Variants in SDK1 observed in about 807,000 individuals in gnomAD.
SDK1 encodes sidekick cell adhesion molecule 1, also known as protein sidekick-1.
Under a neutral mutation model 245.5 loss-of-function variants are expected in SDK1, and 157 were observed. The observed-to-expected ratio is 0.64, with a 90% CI of 0.56 to 0.73. The LOEUF (loss-of-function observed/expected upper bound fraction) is 0.73, where lower values mean the gene tolerates loss of function less well. SDK1 is among the 30% of genes least tolerant of loss of function. The pLI is 0.00. For missense variants in SDK1, 3,583 were observed against 3,002.3 expected (o/e 1.19, Z -4.52); for synonymous variants, 1,647 against 1,278.5 (o/e 1.29, Z -6.15).
chr7:3,956,528 G>A (rs1781276988), intron 7 of SDK1, among the ~76,000 whole-genome samples: 1 of 152,176 alleles, frequency 6.6e-6, no homozygotes. Context: ...CAGGCACAGC[G>A]ACCTGGAAGG....
chr7:3,890,636 G>T (rs1454424550), intron 5 of SDK1, among the ~76,000 whole-genome samples: 1 of 151,046 alleles, frequency 6.6e-6, no homozygotes, highest in Non-Finnish European at 1.5e-5. Flanking sequence ...ATTTGTTTTT[G>T]CTGTGGTTAA....
chr7:4,018,980 T>C (rs987335544), intron 17 of SDK1, among the ~76,000 whole-genome samples: 2 of 152,188 alleles, frequency 1.3e-5, no homozygotes, highest in East Asian at 1.9e-4. Context: ...TGGGACGCCA[T>C]TGTTTTCAAA....
At chr7:4,136,048 G>T (rs1407091109) in intron 28 of SDK1, among the ~76,000 whole-genome samples, 1 of 152,188 alleles carries the variant, frequency 6.6e-6, no homozygotes, top group Non-Finnish European at 1.5e-5. Context: ...ATCTTGATTT[G>T]TGGTCACTGA....
chr7:3,357,326 GTGTTTTTTTTTTTTTTTTTTTTTTTT>G lies in SDK1; in HGVS notation c.298+55444_298+55469del, dbSNP rs1780827210. Among the ~76,000 whole-genome samples the G allele has an allele frequency of 4.0e-5, 2 of 50,102 alleles. 1 individual carries two copies. The highest frequency in any genetic ancestry group is 1.3e-4 in the African/African-American group (2 of 15,580). The allele number at this position is 50,102 out of a possible 152,430, so 32.9% of individuals were successfully genotyped here. A position where few individuals can be genotyped will look rare whatever the true frequency, so the allele number is the denominator to read the frequency against. Reference sequence around the variant, plus strand: ...TTTTACTCTTGCTCCCCTTCTTTTAGTGTTTTTTTTTTTTTTTTTTTTTTTTTTTTTTTTTTTTTTTGAGGCAGGGT... The same window carrying G: ...TTTTACTCTTGCTCCCCTTCTTTTAGTTTTTTTTTTTTTTTGAGGCAGGGT... On this transcript the variant is annotated intron_variant, in intron 1 of 44. Coordinates refer to ENST00000404826, the MANE Select transcript of SDK1 (RefSeq NM_152744.4).
intron 1 of SDK1, among the ~76,000 whole-genome samples, chr7:3,563,643 C>T (rs963696699): frequency 6.6e-6 from 1 of 152,064 alleles, no homozygotes; most frequent in Non-Finnish European, 1.5e-5. Context: ...ATTAGTAAAT[C>T]CTACAGTTGA....
chr7:3,351,222 A>T (rs1780651343), intron 1 of SDK1, among the ~76,000 whole-genome samples: 1 of 152,152 alleles, frequency 6.6e-6, no homozygotes, highest in Admixed American at 6.5e-5. Context: ...TAAAGATTTT[A>T]TGTCCTATGT....
At chr7:3,589,722 A>G (rs1296526064) in intron 1 of SDK1, among the ~76,000 whole-genome samples, 1 of 152,188 alleles carries the variant, frequency 6.6e-6, no homozygotes, top group Admixed American at 6.5e-5. Context: ...TCATGAGAAC[A>G]GCATGGGAAA....
rs767202986 is a variant in SDK1 at position 4,161,770 on chromosome 7, C to T, written c.4730-16C>T. The stretch of plus-strand genomic sequence containing the variant: ...CAACCACCCTGACCCCCGCTTTCCT[C>T]TCCTGTGTGTTTCAGTTCCAGGAGA... On this transcript the variant is annotated splice_polypyrimidine_tract_variant and intron_variant, in intron 31 of 44. Coordinates refer to ENST00000404826, the MANE Select transcript of SDK1 (RefSeq NM_152744.4). 6.2e-7 allele frequency: 1 copy of T among 1,612,034 alleles called. No homozygotes were observed.
In SDK1 at chr7:4,245,913, C is replaced by G; in HGVS notation, c.6381+108C>G. 3.0e-6 allele frequency: 4 copies of G among 1,350,924 alleles called. No individual in the cohort carries two copies. In the South Asian group the frequency reaches 5.2e-5, roughly 17 times the overall value. The allele number at this position is 1,350,924 out of a possible 1,614,324, so 83.7% of individuals were successfully genotyped here. On this transcript the variant is annotated intron_variant, in intron 44 of 44. Transcript: ENST00000404826. ...TCCTATTTGAGTCTCATAACATCCC[C>G]ACAGGCAGAGCCAAGGACAAAGGGC...
At chr7:3,991,383 T>C (rs1784305659) in intron 14 of SDK1, among the ~76,000 whole-genome samples, 1 of 152,140 alleles carries the variant, frequency 6.6e-6, no homozygotes, top group African/African-American at 2.4e-5. Context: ...AGAAATGGCT[T>C]TTCCCTCCTC....
At chr7:3,382,444 GAAATATA>G (rs1334463827) in intron 1 of SDK1, among the ~76,000 whole-genome samples, 2 of 152,126 alleles carry the variant, frequency 1.3e-5, no homozygotes, top group African/African-American at 4.8e-5. Flanking sequence ...TTTAGCAAGA[GAAATATA>G]AAACATCGGC....
At chr7:4,083,861 C>A in intron 22 of SDK1, among the ~76,000 whole-genome samples, 1 of 150,208 alleles carries the variant, frequency 6.7e-6, no homozygotes, top group Non-Finnish European at 1.5e-5. Flanking sequence ...CCCTCCCTCC[C>A]TAAGACTGCT....
chr7:4,177,866 T>C (rs1207254534), intron 34 of SDK1, among the ~76,000 whole-genome samples: 5 of 152,198 alleles, frequency 3.3e-5, no homozygotes, highest in Non-Finnish European at 7.3e-5. Context: ...CGGTCCCATC[T>C]TGGGGGGAGG....
chr7:3,821,052 C>G (rs567017570), intron 4 of SDK1, among the ~76,000 whole-genome samples: 1 of 152,328 alleles, frequency 6.6e-6, no homozygotes, highest in South Asian at 2.1e-4. Flanking sequence ...ACAACTAATT[C>G]ACTTGCGCTG....
At chr7:3,801,993 T>A (rs1779118234) in intron 4 of SDK1, among the ~76,000 whole-genome samples, 1 of 152,226 alleles carries the variant, frequency 6.6e-6, no homozygotes, top group Admixed American at 6.5e-5. Flanking sequence ...CTTTTTCTTT[T>A]CTTCAGCAGA....
chr7:4,090,906 C>CA (rs1781747779), intron 22 of SDK1, among the ~76,000 whole-genome samples: 1 of 152,114 alleles, frequency 6.6e-6, no homozygotes, highest in African/African-American at 2.4e-5. Context: ...CCCTTTTCTA[C>CA]ATCTATCCGA....
chr7:4,231,508 GGCTGCAGTGA>G (rs1294061716), intron 40 of SDK1, among the ~76,000 whole-genome samples: 1 of 151,826 alleles, frequency 6.6e-6, no homozygotes, highest in Non-Finnish European at 1.5e-5. Context: ...AGTAGTTTGA[GGCTGCAGTGA>G]GCTATGATTG....
chr7:3,420,806 A>G (rs1045679787), intron 1 of SDK1, among the ~76,000 whole-genome samples: 11 of 152,174 alleles, frequency 7.2e-5, no homozygotes, highest in African/African-American at 2.7e-4. Context: ...GAGTCGTTAC[A>G]TAGATAAACA....
chr7:4,148,532 A>C (rs551024645), intron 29 of SDK1, among the ~76,000 whole-genome samples: 2 of 152,324 alleles, frequency 1.3e-5, no homozygotes, highest in South Asian at 4.1e-4. Context: ...TAGATGCTTT[A>C]GGCCCTGGGT....
Sources: allele counts gnomAD v4.1 joint callset (sites outside exome capture counted in the v4.1 genomes callset), GRCh38; gene constraint gnomAD v4.1.1; transcripts MANE v1.5; gene names NCBI Gene and HGNC (gene_info 2026-07-23, HGNC 2026-07-21).